Variants in FCN1 observed in about 807,000 individuals in gnomAD.
FCN1 encodes ficolin 1.
Under a neutral mutation model 35.6 loss-of-function variants are expected in FCN1, and 42 were observed. The observed-to-expected ratio is 1.18, with a 90% CI of 0.92 to 1.53. The LOEUF (loss-of-function observed/expected upper bound fraction) is 1.53, where lower values mean the gene tolerates loss of function less well. FCN1 is among the 40% of genes most tolerant of loss of function. The pLI, the probability that FCN1 is intolerant of heterozygous loss-of-function variation, is 0.00. For missense variants in FCN1, 439 were observed against 428.4 expected (o/e 1.02, Z -0.22); for synonymous variants, 179 against 169.8 (o/e 1.05, Z -0.42).
Position 134,916,481 on chromosome 9 carries a change from C to G in FCN1, c.104-20G>C, listed in dbSNP as rs1831094004. On this transcript the variant is annotated intron_variant, in intron 1 of 8. Transcript: ENST00000371806. ...TCACCTCTGCAGAGAAACACAGGTG[C>G]CCACTCAGTGCCTGGCCCAACAGTG... The G allele has an allele frequency of 6.2e-7, 1 of 1,604,904 alleles. No homozygotes were observed.
chr9:134,917,028 AAAAT>A (rs1276057743), intron 1 of FCN1, among the ~76,000 whole-genome samples: 1 of 152,202 alleles, frequency 6.6e-6, no homozygotes, highest in Non-Finnish European at 1.5e-5. Flanking sequence ...CTTCTTTGAA[AAAAT>A]ATTTTTCATT....
intron 2 of FCN1, among the ~76,000 whole-genome samples, 193 bp downstream of exon 2, chr9:134,916,155 A>G (rs1010626498): frequency 4.6e-5 from 7 of 152,232 alleles, no homozygotes; most frequent in African/African-American, 1.7e-4. Flanking sequence ...TAGTTAGGAA[A>G]GACCCTCCCT....
Position 134,913,073 on chromosome 9 carries a change from G to C in FCN1, c.411C>G (p.Pro137=), listed in dbSNP as rs138442213. 6.2e-7 allele frequency: 1 copy of C among 1,613,478 alleles called. No homozygotes were observed. Reference sequence around the variant, plus strand: ...AGAGCACAGTCAGGGGCCGGCAGTCGGGCAGGTAGATGGTGTGCCAGCCGC... The same window carrying C: ...AGAGCACAGTCAGGGGCCGGCAGTCCGGCAGGTAGATGGTGTGCCAGCCGC... The part of the protein sequence containing the change: ...FLSGWHTIYL[P]DCRPLTVLCD... The change falls in exon 6 of 9, where the codon CCC becomes CCG. Residue 137 remains proline (P), a synonymous_variant. Transcript: ENST00000371806.
intron 8 of FCN1, 49 bp from the exon 9 acceptor site, chr9:134,910,094 A>T: frequency 6.5e-7 from 1 of 1,539,714 alleles, no homozygotes; most frequent in Non-Finnish European, 9.0e-7. Flanking sequence ...AAGCCCTGCC[A>T]CTGTGAGACC....
chr9:134,912,959 T>C, intron 6 of FCN1, 57 bp downstream of exon 6: 3 of 1,583,424 alleles, frequency 1.9e-6, no homozygotes, highest in South Asian at 1.1e-5. Context: ...CAACCAGGTG[T>C]GCAGCCTGGC....
rs1190222116 is a variant in FCN1 at position 134,911,122 on chromosome 9, C to A, written c.733+11G>T. The A allele has an allele frequency of 1.9e-6, 3 of 1,613,856 alleles. No individual in the cohort carries two copies. The highest frequency in any genetic ancestry group is 2.5e-6 in the Non-Finnish European group (3 of 1,179,914). ...CCCCACTCAGGCCACCAGCCCCAAGCAGACACTCACCCGCACTGCCCCCGA... is the reference window on the plus strand; with the variant it reads ...CCCCACTCAGGCCACCAGCCCCAAGAAGACACTCACCCGCACTGCCCCCGA... On this transcript the variant is annotated intron_variant, in intron 8 of 8. Transcript: ENST00000371806.
chr9:134,916,561 A>G (rs1176798865), intron 1 of FCN1, 100 bp from the exon 2 acceptor site: 20 of 1,199,124 alleles, frequency 1.7e-5, no homozygotes, highest in Non-Finnish European at 2.5e-5. Context: ...CTCACCCCTC[A>G]GGCACTGGTG....
At chr9:134,914,880 A>G (rs1304449522) in intron 2 of FCN1, 71 bp from the exon 3 acceptor site, 25 of 1,255,802 alleles carry the variant, frequency 2.0e-5, no homozygotes, top group Non-Finnish European at 2.5e-5. Flanking sequence ...TCTTTGCCCC[A>G]AGTGGTTAAG....
At chr9:134,912,129 G>T (rs549771596) in intron 7 of FCN1, among the ~76,000 whole-genome samples, 1 of 152,184 alleles carries the variant, frequency 6.6e-6, no homozygotes, top group South Asian at 2.1e-4. Flanking sequence ...GGAGGCGAGC[G>T]TGGGCTCTCC....
Position 134,909,935 on chromosome 9 carries a change from C to T in FCN1, c.844G>A (p.Asp282Asn), listed in dbSNP as rs199881741. 8.9e-5 allele frequency: 144 copies of T among 1,613,970 alleles called. No homozygotes were observed. The highest frequency in any genetic ancestry group is 1.1e-4 in the Non-Finnish European group (133 of 1,180,016). ...CCATTGAGGTTTGAAGCATGACAGT[C>T]GGCGTACCACCAGGCTCCTTGGAAC... is the stretch of plus-strand genomic sequence containing the variant. ...EKFQGAWWYA[D>N]CHASNLNGLY... is the part of the protein sequence containing the mutation. The change falls in exon 9 of 9, where the codon GAC (aspartate) becomes AAC (asparagine). Residue 282 changes from aspartate (D) to asparagine (N), a missense_variant. By Grantham distance (23) the Asp-to-Asn change is conservative. Coordinates refer to ENST00000371806, the MANE Select transcript of FCN1 (RefSeq NM_002003.5).
Position 134,916,334 on chromosome 9 carries a change from C to T in FCN1, c.217+14G>A, listed in dbSNP as rs55871507. On this transcript the variant is annotated intron_variant, in intron 2 of 8. Coordinates refer to ENST00000371806, the MANE Select transcript of FCN1 (RefSeq NM_002003.5). ...CCCTGCCATGCCTGGCCTCCCCACC[C>T]GGCCCGCACCTACCTCTCTCTCCAA... The T allele has an allele frequency of 1.2e-3, 1,937 of 1,601,154 alleles. 13 individuals carry two copies. The African/African-American group carries it at 0.015, about 13-fold the overall frequency.
intron 4 of FCN1, 40 bp from the exon 5 acceptor site, chr9:134,913,653 CAG>C: frequency 6.4e-7 from 1 of 1,562,654 alleles, no homozygotes; most frequent in Non-Finnish European, 8.7e-7. Context: ...AGCTTGAAAT[CAG>C]AGCCTTTGTC....
Position 134,917,818 on chromosome 9 carries a change from C to T in FCN1, c.54G>A (p.Leu18=). 1.2e-6 allele frequency: 2 copies of T among 1,614,030 alleles called. No homozygotes were observed. Among genetic ancestry groups the T allele is most frequent in the Non-Finnish European group, 1.7e-6 (2 of 1,179,982 alleles). The change falls in exon 1 of 9, where the codon TTG becomes TTA. Residue 18 remains leucine, a synonymous_variant. Coordinates refer to ENST00000371806, the MANE Select transcript of FCN1 (RefSeq NM_002003.5). The part of the protein sequence containing the change: ...MARGLAVLLV[L]FLHIKNLPAQ... The stretch of plus-strand genomic sequence containing the variant: ...CAGGCAGGTTCTTGATATGCAGGAA[C>T]AAGACTAGCAGGACAGCGAGCCCCC...
rs1830944503 is a variant in FCN1, at chr9:134,905,861, T to TTCCTCTTCCTCTTCC, written c.*3936_*3937insGGAAGAGGAAGAGGA. On this transcript the variant is annotated 3_prime_UTR_variant, in exon 9 of 9. Transcript: ENST00000371806. ...CTTCCTCTTCCTCTTCCTCTTCCTC[T>TTCCTCTTCCTCTTCC]TCCTCTTCTTCTTCTTCTTCTTCTT... 2 of 54,194 alleles carry TTCCTCTTCCTCTTCC rather than the reference T, an allele frequency of 3.7e-5. No homozygotes were observed. 3.4% of individuals were successfully genotyped at this position (54,194 alleles called of 1,614,324 possible).
rs1198158956 is a variant in FCN1, at chr9:134,912,521, A to G, written c.563T>C (p.Leu188Pro). The change falls in exon 7 of 9, where the codon CTG (leucine) becomes CCG (proline). Residue 188 changes from leucine to proline, a missense_variant. Physicochemically the swap from Leu to Pro is moderately conservative, Grantham distance 98. Coordinates refer to ENST00000371806, the MANE Select transcript of FCN1 (RefSeq NM_002003.5). ...CAGGGCGTGGATGTTGTCATTCCCC[A>G]GCCAGAACTCCCCCAGCTGACTGCC... is the stretch of plus-strand genomic sequence containing the variant. ...GFGSQLGEFW[L>P]GNDNIHALTA... 1 of 1,613,994 alleles carries G rather than the reference A, an allele frequency of 6.2e-7. No homozygotes were observed. The highest frequency in any genetic ancestry group is 8.5e-7 in the Non-Finnish European group (1 of 1,179,942).
chr9:134,909,825 C>T lies in FCN1; in HGVS notation c.954G>A (p.Val318=), dbSNP rs1323354877. Residue 318 remains valine, a synonymous_variant, in exon 9 of 9, where the codon GTG becomes GTA. Coordinates refer to ENST00000371806, the MANE Select transcript of FCN1 (RefSeq NM_002003.5). ...AAKGYKYSYK[V]SEMKVRPA is the part of the protein sequence containing the mutation. ...AGGCGGGCCGCACCTTCATCTCTGA[C>T]ACCTTGTAGCTATATTTGTACCCCT... 2 of 1,614,046 alleles carry T rather than the reference C, an allele frequency of 1.2e-6. No homozygotes were observed. Among genetic ancestry groups the T allele is most frequent in the Non-Finnish European group, 1.7e-6 (2 of 1,180,008 alleles).
intron 1 of FCN1, among the ~76,000 whole-genome samples, chr9:134,917,448 G>C (rs1354962500): frequency 1.3e-5 from 2 of 152,156 alleles, no homozygotes; most frequent in Non-Finnish European, 2.9e-5. Flanking sequence ...GTGCCTCCCT[G>C]GTAAGCCCGT....
chr9:134,916,485 C>T, intron 1 of FCN1, 24 bp from the exon 2 acceptor site: 2 of 1,605,028 alleles, frequency 1.2e-6, no homozygotes, highest in Non-Finnish European at 1.7e-6. Context: ...CAGGTGCCCA[C>T]TCAGTGCCTG....
rs144049283 is a variant in FCN1 at position 134,917,747 on chromosome 9, A to G, written c.103+22T>C. ...GGGTTGTTACCAGCTTTTAGGGACC[A>G]GAAAACCCAGGTCTGTCTCACCTGG... On this transcript the variant is annotated intron_variant, in intron 1 of 8. Transcript: ENST00000371806. 2.2e-5 allele frequency: 35 copies of G among 1,562,348 alleles called. No homozygotes were observed. In the Middle Eastern group the frequency reaches 5.0e-4, roughly 22 times the overall value.
Sources: gnomAD v4.1 joint callset for allele counts (sites outside exome capture counted in the v4.1 genomes callset) on GRCh38, gnomAD v4.1.1 for gene constraint, MANE v1.5 for transcripts, NCBI Gene and HGNC (gene_info 2026-07-23, HGNC 2026-07-21) for gene names.